Variants in C10orf71 observed in about 807,000 individuals in gnomAD.
C10orf71 encodes the protein cardiac-enriched FHL2-interacting protein.
For missense variants in C10orf71, 1,869 were observed against 1,804.5 expected (o/e 1.04, Z -0.65); for synonymous variants, 758 against 726.3 (o/e 1.04, Z -0.70).
chr10:49,326,235 C>T lies in C10orf71; in HGVS notation c.3690C>T (p.His1230=). Residue 1230 remains histidine (H), a synonymous_variant, in exon 3 of 3, where the codon CAC becomes CAT. Transcript: ENST00000374144. The stretch of plus-strand genomic sequence containing the variant: ...TGTGCCCCAGAGAGAGGCCCCGACA[C>T]AATTTCCCCGTGGTCCGTTCCCTGC... ...RPLCPRERPR[H]NFPVVRSLPP... The T allele has an allele frequency of 1.9e-6, 3 of 1,550,720 alleles. No individual in the cohort carries two copies. Among genetic ancestry groups the T allele is most frequent in the Non-Finnish European group, 1.7e-6 (2 of 1,146,948 alleles).
intron 1 of C10orf71, among the ~76,000 whole-genome samples, chr10:49,315,062 AG>A (rs975001091): frequency 6.6e-6 from 1 of 152,170 alleles, no homozygotes; most frequent in Non-Finnish European, 1.5e-5. Context: ...GCTATGGAAA[AG>A]GTAAACCCAG....
intron 1 of C10orf71, among the ~76,000 whole-genome samples, chr10:49,301,361 T>C (rs1425445632): frequency 6.6e-6 from 1 of 152,228 alleles, no homozygotes; most frequent in East Asian, 1.9e-4. Context: ...ATCTCAATCA[T>C]ATGCTTCATT....
Position 49,327,029 on chromosome 10 carries a change from G to A in C10orf71, c.*176G>A, listed in dbSNP as rs372954473. ...CAGAAGGCAGTAGGGATCCCAAGAC[G>A]ACCTCACCCAAAGGGCTCCCTGGCT... On this transcript the variant is annotated 3_prime_UTR_variant, in exon 3 of 3. Transcript: ENST00000374144. The A allele has an allele frequency of 7.0e-6, 11 of 1,577,146 alleles. No homozygotes were observed. Among genetic ancestry groups the A allele is most frequent in the African/African-American group, 5.4e-5 (4 of 73,704 alleles).
upstream of C10orf71, among the ~76,000 whole-genome samples, chr10:49,297,340 A>C (rs1848655611): frequency 6.6e-6 from 1 of 152,266 alleles, no homozygotes; most frequent in Admixed American, 6.5e-5. Flanking sequence ...ATGACATATG[A>C]ACTGACTGTA....
At chr10:49,316,866 C>A (rs1286797894) in intron 2 of C10orf71, among the ~76,000 whole-genome samples, 2 of 152,088 alleles carry the variant, frequency 1.3e-5, no homozygotes, top group East Asian at 3.9e-4. Flanking sequence ...AGACTGAAAA[C>A]CAAGGGGAGA....
chr10:49,317,629 T>G (rs1397783039), intron 2 of C10orf71, among the ~76,000 whole-genome samples: 2 of 152,110 alleles, frequency 1.3e-5, no homozygotes, highest in African/African-American at 2.4e-5. Flanking sequence ...GGTGGACAGA[T>G]TACTTGAGCC....
chr10:49,324,821 A>T lies in C10orf71; in HGVS notation c.2276A>T (p.Asp759Val), dbSNP rs1220577728. The part of the protein sequence containing the change: ...TENQREDRRK[D>V]VSAGDSQKDE... ...AACCAGCGGGAAGACAGGAGGAAGGATGTGAGTGCAGGTGACAGTCAGAAG... is the reference window on the plus strand; with the variant it reads ...AACCAGCGGGAAGACAGGAGGAAGGTTGTGAGTGCAGGTGACAGTCAGAAG... Residue 759 changes from aspartate to valine, a missense_variant, in exon 3 of 3, where the codon GAT (aspartate) becomes GTT (valine). Physicochemically the swap from Asp to Val is radical, Grantham distance 152. Transcript: ENST00000374144. 9 of 1,551,950 alleles carry T rather than the reference A, an allele frequency of 5.8e-6. No homozygotes were observed. In the Admixed American group the frequency reaches 5.9e-5, roughly 10 times the overall value.
In C10orf71 at chr10:49,322,574, A is replaced by T. The variant is rs199758360; in HGVS notation, c.29A>T (p.Asp10Val). The change falls in exon 3 of 3, where the codon GAC (aspartate) becomes GTC (valine). Residue 10 changes from aspartate (D) to valine (V), a missense_variant. Physicochemically the swap from Asp to Val is radical, Grantham distance 152 (BLOSUM62 -3). Transcript: ENST00000374144. MMQGNKKCTDAFSDSSSIGS... is the reference protein window; with the variant it reads MMQGNKKCTVAFSDSSSIGS... ...ATGCAAGGAAATAAGAAGTGCACAG[A>T]CGCGTTCAGCGACTCCTCCAGCATC... The T allele has an allele frequency of 6.6e-5, 106 of 1,611,624 alleles. No individual in the cohort carries two copies. The highest frequency in any genetic ancestry group is 8.6e-5 in the Non-Finnish European group (101 of 1,178,778).
In C10orf71 at chr10:49,324,883, C is replaced by A. The variant is rs1353758285; in HGVS notation, c.2338C>A (p.Gln780Lys). Residue 780 changes from glutamine (Q) to lysine (K), a missense_variant, in exon 3 of 3, where the codon CAG becomes AAG. Coordinates refer to ENST00000374144, the MANE Select transcript of C10orf71 (RefSeq NM_001135196.2). ...KENVMRKDEL[Q>K]YCALSNGHAC... ...GAATGTGATGCGGAAGGATGAGCTG[C>A]AGTACTGTGCCTTAAGCAATGGGCA... The A allele has an allele frequency of 6.4e-7, 1 of 1,551,516 alleles. No individual in the cohort carries two copies. The highest frequency in any genetic ancestry group is 2.4e-5 in the East Asian group (1 of 40,916).
At chr10:49,304,799 C>T (rs762555559) in intron 1 of C10orf71, among the ~76,000 whole-genome samples, 27 of 152,238 alleles carry the variant, frequency 1.8e-4, no homozygotes, top group Non-Finnish European at 1.6e-4. Flanking sequence ...ACAAATGTCT[C>T]TTCCTCCAGG....
At position 49,322,981 on chromosome 10, in the gene C10orf71, C is replaced by T; in HGVS notation, c.436C>T (p.Leu146=). Residue 146 remains leucine (L), a synonymous_variant, in exon 3 of 3, where the codon CTA becomes TTA. Coordinates refer to ENST00000374144, the MANE Select transcript of C10orf71 (RefSeq NM_001135196.2). The stretch of plus-strand genomic sequence containing the variant: ...TAAGCCTGTCTCCAAAGTATCAACA[C>T]TAATTAAATCTTTCGACAGGACCGA... The part of the protein sequence containing the change: ...SNKPVSKVST[L]IKSFDRTESQ... The T allele has an allele frequency of 6.2e-7, 1 of 1,614,022 alleles. No individual in the cohort carries two copies.
chr10:49,320,851 C>T (rs543153421), intron 2 of C10orf71, among the ~76,000 whole-genome samples: 71 of 152,214 alleles, frequency 4.7e-4, no homozygotes, highest in Non-Finnish European at 5.3e-4. Context: ...GATCCAAAGG[C>T]GGAAGTTCCT....
At position 49,323,681 on chromosome 10, in the gene C10orf71, C is replaced by A; in HGVS notation, c.1136C>A (p.Pro379His). The A allele has an allele frequency of 6.2e-7, 1 of 1,613,656 alleles. No individual in the cohort carries two copies. Among genetic ancestry groups the A allele is most frequent in the Non-Finnish European group, 8.5e-7 (1 of 1,179,812 alleles). Reference protein sequence around the residue: ...QPDSQEKPAQPPWRKPKTGKK... With the variant: ...QPDSQEKPAQHPWRKPKTGKK... ...GATTCTCAAGAGAAGCCAGCCCAGC[C>A]CCCATGGAGGAAGCCAAAGACTGGC... The change falls in exon 3 of 3, where the codon CCC becomes CAC. Residue 379 changes from proline to histidine, a missense_variant. Coordinates refer to ENST00000374144, the MANE Select transcript of C10orf71 (RefSeq NM_001135196.2).
At chr10:49,297,219 C>T (rs760371612), upstream of C10orf71, among the ~76,000 whole-genome samples, 2 of 152,188 alleles carry the variant, frequency 1.3e-5, no homozygotes, top group African/African-American at 2.4e-5. Flanking sequence ...GCGGCCCTGC[C>T]GAAGCTTTCA....
At position 49,299,183 on chromosome 10, in the gene C10orf71, C is replaced by T. The variant is rs997123315; in HGVS notation, c.-298C>T. 1 of 152,192 alleles carries T rather than the reference C, an allele frequency of 6.6e-6. No individual in the cohort carries two copies. The highest frequency in any genetic ancestry group is 2.4e-5 in the African/African-American group (1 of 41,442). 9.4% of individuals were successfully genotyped at this position (152,192 alleles called of 1,614,324 possible). On this transcript the variant is annotated 5_prime_UTR_variant, in exon 1 of 3. Coordinates refer to ENST00000374144, the MANE Select transcript of C10orf71 (RefSeq NM_001135196.2). The stretch of plus-strand genomic sequence containing the variant: ...GTGTTGCAGTGCGGACTGTTTGCCT[C>T]TTCCCCACCAAGAACACCATTTGGT...
chr10:49,315,128 T>C (rs1243332443), intron 1 of C10orf71, among the ~76,000 whole-genome samples: 1 of 152,178 alleles, frequency 6.6e-6, no homozygotes, highest in African/African-American at 2.4e-5. Context: ...GAGTCAGGGA[T>C]GGGGCCTCGC....
intron 1 of C10orf71, among the ~76,000 whole-genome samples, chr10:49,310,488 G>C (rs192146709): frequency 6.6e-6 from 1 of 152,170 alleles, no homozygotes; most frequent in African/African-American, 2.4e-5. Flanking sequence ...CTCGTCCCCA[G>C]TTCTTCCCTG....
At chr10:49,301,433 G>T (rs541142195) in intron 1 of C10orf71, among the ~76,000 whole-genome samples, 1 of 152,292 alleles carries the variant, frequency 6.6e-6, no homozygotes, top group Non-Finnish European at 1.5e-5. Flanking sequence ...GGGTTGCATG[G>T]CATGAGCTAG....
chr10:49,303,612 G>T (rs117594214), intron 1 of C10orf71, among the ~76,000 whole-genome samples: 4 of 152,252 alleles, frequency 2.6e-5, no homozygotes, highest in East Asian at 1.9e-4. Flanking sequence ...GGAAAGGGGG[G>T]CAAGGGGCTG....
Sources: allele counts gnomAD v4.1 joint callset (sites outside exome capture counted in the v4.1 genomes callset), GRCh38; gene constraint gnomAD v4.1.1; transcripts MANE v1.5; gene names NCBI Gene and HGNC (gene_info 2026-07-23, HGNC 2026-07-21).